Variants in SIGLEC10 observed in about 807,000 individuals in gnomAD.
The protein encoded by SIGLEC10 is sialic acid binding Ig like lectin 10.
SIGLEC10 carries 45 observed loss-of-function variants against 68.3 expected under a neutral mutation model. The ratio of observed to expected loss-of-function variants is 0.66; its 90% confidence interval spans 0.52 to 0.84. The LOEUF (loss-of-function observed/expected upper bound fraction) is 0.84, where lower values mean the gene tolerates loss of function less well. Among genes scored for constraint, SIGLEC10 ranks in the 40% least tolerant of loss-of-function variants. The pLI is 0.00. For missense variants in SIGLEC10, 789 were observed against 883.1 expected (o/e 0.89, Z 1.35); for synonymous variants, 379 against 370.8 (o/e 1.02, Z -0.26).
At chr19:51,415,636 C>T (rs370417795) in intron 5 of SIGLEC10, 21 bp from the exon 6 acceptor site, 35 of 1,613,720 alleles carry the variant, frequency 2.2e-5, no homozygotes, top group African/African-American at 1.1e-4. Flanking sequence ...GACAGGGGAC[C>T]GGCTCTAGAC....
At position 51,417,246 on chromosome 19, in the gene SIGLEC10, G is replaced by C. The variant is rs1433791025; in HGVS notation, c.257C>G (p.Thr86Ser). ...CCCAGTGAGCTGGAATCGGCCCCGG[G>C]TGCTCATTTCCACCTCTCGACTCTG... The part of the protein sequence containing the change: ...NHQSREVEMS[T>S]RGRFQLTGDP... The change falls in exon 2 of 11, where the codon ACC becomes AGC. Residue 86 changes from threonine to serine, a missense_variant. By Grantham distance (58) the Thr-to-Ser change is moderately conservative. Coordinates refer to ENST00000339313, the MANE Select transcript of SIGLEC10 (RefSeq NM_033130.5). 1.2e-6 allele frequency: 2 copies of C among 1,614,230 alleles called. No individual in the cohort carries two copies. The highest frequency in any genetic ancestry group is 1.6e-4 in the Middle Eastern group (1 of 6,062).
rs774820967 is a variant in SIGLEC10, at chr19:51,414,840, G to A, written c.1599C>T (p.Ser533=). The change falls in exon 8 of 11, where the codon TCC becomes TCT. Residue 533 remains serine, a synonymous_variant. Coordinates refer to ENST00000339313, the MANE Select transcript of SIGLEC10 (RefSeq NM_033130.5). This position sits in a 1 kb window ranked among gnomAD's most constrained non-coding sequence, Gnocchi z 4.1. The part of the protein sequence containing the change: ...AWNVHGAQSG[S]ILQLPDKKGL... The stretch of plus-strand genomic sequence containing the variant: ...CCCCCTAACCTGGCAGCTGCAGGAT[G>A]GATCCACTCTGGGCCCCATGGACGT... 3 of 1,613,878 alleles carry A rather than the reference G, an allele frequency of 1.9e-6. No individual in the cohort carries two copies. Among genetic ancestry groups the A allele is most frequent in the East Asian group, 2.2e-5 (1 of 44,868 alleles).
chr19:51,415,062 A>G lies in SIGLEC10; in HGVS notation c.1377T>C (p.Gly459=), dbSNP rs1299143118. ...CCTGGGAGGAGCAGCTGCAGTGCAG[A>G]CCCTCAGCCTCCCAGGAGCAGGAGG... is the stretch of plus-strand genomic sequence containing the variant. The part of the protein sequence containing the change: ...LGPSCSWEAE[G]LHCSCSSQAS... Residue 459 remains glycine, a synonymous_variant, in exon 8 of 11, where the codon GGT becomes GGC. Transcript: ENST00000339313. 1 of 1,588,954 alleles carries G rather than the reference A, an allele frequency of 6.3e-7. No individual in the cohort carries two copies. Among genetic ancestry groups the G allele is most frequent in the Non-Finnish European group, 8.6e-7 (1 of 1,168,822 alleles).
chr19:51,414,555 G>T lies in SIGLEC10; in HGVS notation c.1616-40C>A, dbSNP rs775774589. ...GGCAAGGTGAGCATTTCCCATCCAC[G>T]CAGGGCTCACGAAGCCCGCTCATCA... On this transcript the variant is annotated intron_variant, in intron 8 of 10. Transcript: ENST00000339313. The surrounding 1 kb of genome is among the most constrained non-coding windows in gnomAD (Gnocchi z 4.1). 5 of 1,590,464 alleles carry T rather than the reference G, an allele frequency of 3.1e-6. No individual in the cohort carries two copies. Among genetic ancestry groups the T allele is most frequent in the Admixed American group, 3.4e-5 (2 of 58,792 alleles).
chr19:51,411,545 A>T (rs946806726), intron 10 of SIGLEC10, among the ~76,000 whole-genome samples, 174 bp from the exon 11 acceptor site: 6 of 152,184 alleles, frequency 3.9e-5, no homozygotes, highest in Admixed American at 6.5e-5. Flanking sequence ...AAGTACAATG[A>T]CTGGTAAGTG....
In SIGLEC10 at chr19:51,413,781, C is replaced by G. The variant is rs781316540; in HGVS notation, c.1752G>C (p.Pro584=). The G allele has an allele frequency of 3.7e-6, 6 of 1,614,062 alleles. No homozygotes were observed. In the South Asian group the frequency reaches 4.4e-5, roughly 12 times the overall value. ...TGCTGTGCCGGGAGAACCTGGGCCTCGGGGTTTCTGTCTGAGTCCGTCTCT... is the reference window on the plus strand; with the variant it reads ...TGCTGTGCCGGGAGAACCTGGGCCTGGGGGTTTCTGTCTGAGTCCGTCTCT... ...LPKRRTQTET[P]RPRFSRHSTI... is the part of the protein sequence containing the mutation. Residue 584 remains proline (P), a synonymous_variant, in exon 10 of 11, where the codon CCG becomes CCC. Transcript: ENST00000339313.
chr19:51,417,363 C>G lies in SIGLEC10; in HGVS notation c.140G>C (p.Arg47Pro), dbSNP rs75355870. The G allele has an allele frequency of 3.5e-5, 56 of 1,614,176 alleles. No homozygotes were observed. In the East Asian group the frequency reaches 1.2e-3, roughly 35 times the overall value. ...TGGGGTAGACCCTGTCCAGTCCTGTCGGGGGTAGGAGAAAGAGCAGGGCAC... is the reference window on the plus strand; with the variant it reads ...TGGGGTAGACCCTGTCCAGTCCTGTGGGGGGTAGGAGAAAGAGCAGGGCAC... ...ISVPCSFSYP[R>P]QDWTGSTPAY... Residue 47 changes from arginine to proline, a missense_variant, in exon 2 of 11, where the codon CGA (arginine) becomes CCA (proline). Arg to Pro is a moderately radical substitution (Grantham distance 103). Transcript: ENST00000339313.
At chr19:51,416,503 C>T in intron 3 of SIGLEC10, 146 bp from the exon 4 acceptor site, 1 of 1,584,204 alleles carries the variant, frequency 6.3e-7, no homozygotes, top group Non-Finnish European at 8.6e-7. Context: ...GACCAGACGC[C>T]ATTCCCATCC....
intron 9 of SIGLEC10, 38 bp from the exon 10 acceptor site, chr19:51,413,861 C>A (rs1988247148): frequency 6.4e-7 from 1 of 1,551,300 alleles, no homozygotes; most frequent in South Asian, 1.1e-5. Context: ...CCCTGCTGCA[C>A]CTCCCTGTGA....
At position 51,414,780 on chromosome 19, in the gene SIGLEC10, C is replaced by G; in HGVS notation, c.1615+44G>C. 6.2e-7 allele frequency: 1 copy of G among 1,607,962 alleles called. No homozygotes were observed. Among genetic ancestry groups the G allele is most frequent in the Non-Finnish European group, 8.5e-7 (1 of 1,178,470 alleles). ...ACAGGACCCTACTCTTTGCCCCAGT[C>G]AGCTTCTCCTCCAAGAACCTTGGCA... On this transcript the variant is annotated intron_variant, in intron 8 of 10. Coordinates refer to ENST00000339313, the MANE Select transcript of SIGLEC10 (RefSeq NM_033130.5). This position sits in a 1 kb window ranked among gnomAD's most constrained non-coding sequence, Gnocchi z 4.1.
chr19:51,417,622 T>G lies in SIGLEC10; in HGVS notation c.-41A>C. The G allele has an allele frequency of 6.2e-7, 1 of 1,613,148 alleles. No individual in the cohort carries two copies. The highest frequency in any genetic ancestry group is 2.2e-5 in the East Asian group (1 of 44,888). ...GCAGGGCCTGCCTGAGACAGGCCTGTTCTCTGGTCGTGCTGTGAGTGGCTC... is the reference window on the plus strand; with the variant it reads ...GCAGGGCCTGCCTGAGACAGGCCTGGTCTCTGGTCGTGCTGTGAGTGGCTC... On this transcript the variant is annotated 5_prime_UTR_variant, in exon 1 of 11. Transcript: ENST00000339313.
intron 10 of SIGLEC10, 107 bp downstream of exon 10, chr19:51,413,605 G>C: frequency 2.1e-6 from 2 of 954,810 alleles, no homozygotes; most frequent in Middle Eastern, 2.7e-4. Flanking sequence ...CAGAACTATC[G>C]GTGCTTTTCC....
intron 10 of SIGLEC10, among the ~76,000 whole-genome samples, 172 bp downstream of exon 10, chr19:51,413,540 G>A (rs551626835): frequency 6.6e-6 from 1 of 152,322 alleles, no homozygotes; most frequent in South Asian, 2.1e-4. Flanking sequence ...CTCAGAGGGG[G>A]TGAGTGACGT....
In SIGLEC10 at chr19:51,415,666, G is replaced by A. The variant is rs1273910620; in HGVS notation, c.1025-51C>T. The A allele has an allele frequency of 4.3e-6, 7 of 1,613,516 alleles. No homozygotes were observed. In the Admixed American group the frequency reaches 8.3e-5, roughly 19 times the overall value. On this transcript the variant is annotated intron_variant, in intron 5 of 10. Coordinates refer to ENST00000339313, the MANE Select transcript of SIGLEC10 (RefSeq NM_033130.5). ...CTAGACGGACCAGGGGCTTCCCTCTGGGTAAAGGGAACCATCCTGGACACT... is the reference window on the plus strand; with the variant it reads ...CTAGACGGACCAGGGGCTTCCCTCTAGGTAAAGGGAACCATCCTGGACACT...
At chr19:51,417,519 T>C in intron 1 of SIGLEC10, 26 bp downstream of exon 1, 1 of 1,614,164 alleles carries the variant, frequency 6.2e-7, no homozygotes, top group East Asian at 2.2e-5. Context: ...CCGCCCCAGG[T>C]CCTTTCCGGC....
At chr19:51,413,532 C>T (rs146451924) in intron 10 of SIGLEC10, among the ~76,000 whole-genome samples, 180 bp downstream of exon 10, 180 of 152,296 alleles carry the variant, frequency 1.2e-3, no homozygotes, top group African/African-American at 4.0e-3. Flanking sequence ...AATGAAGGCT[C>T]AGAGGGGGTG....
In SIGLEC10 at chr19:51,415,384, A is replaced by G; in HGVS notation, c.1127T>C (p.Leu376Pro). Residue 376 changes from leucine (L) to proline (P), a missense_variant, in exon 7 of 11, where the codon CTG becomes CCG. Coordinates refer to ENST00000339313, the MANE Select transcript of SIGLEC10 (RefSeq NM_033130.5). ...GCTGTGTGTGACACAGACCAGGCAC[A>G]GGCTTTGGCCCTCCAGTACTGGGAG... ...TSLPVLEGQS[L>P]CLVCVTHSSP... The G allele has an allele frequency of 6.2e-7, 1 of 1,610,980 alleles. No individual in the cohort carries two copies. Among genetic ancestry groups the G allele is most frequent in the Admixed American group, 1.7e-5 (1 of 59,690 alleles).
Position 51,417,090 on chromosome 19 carries a change from T to G in SIGLEC10, c.413A>C (p.Lys138Thr). ...CCCACCCCATTCCATACCTGTTACTTTTAGAAAGAACCCATCGTTCATGAA... is the reference window on the plus strand; with the variant it reads ...CCCACCCCATTCCATACCTGTTACTGTTAGAAAGAACCCATCGTTCATGAA... ...YNFMNDGFFL[K>T]VTALTQKPDV... is the part of the protein sequence containing the mutation. Residue 138 changes from lysine to threonine, a missense_variant, in exon 2 of 11, where the codon AAA (lysine) becomes ACA (threonine). By Grantham distance (78) the Lys-to-Thr change is moderately conservative. Coordinates refer to ENST00000339313, the MANE Select transcript of SIGLEC10 (RefSeq NM_033130.5). 6.2e-7 allele frequency: 1 copy of G among 1,613,948 alleles called. No homozygotes were observed. The highest frequency in any genetic ancestry group is 8.5e-7 in the Non-Finnish European group (1 of 1,179,860).
In SIGLEC10 at chr19:51,411,068, C is replaced by T. The variant is rs201683108; in HGVS notation, c.*31G>A. 69 of 1,595,630 alleles carry T rather than the reference C, an allele frequency of 4.3e-5. No individual in the cohort carries two copies. The East Asian group carries it at 7.0e-4, about 16-fold the overall frequency. On this transcript the variant is annotated 3_prime_UTR_variant, in exon 11 of 11. Coordinates refer to ENST00000339313, the MANE Select transcript of SIGLEC10 (RefSeq NM_033130.5). ...CTCTTACTCTACCTTCCTCCCTAGC[C>T]GAAGTCCCAGTCCTAAAGCCTAAGA...
Sources: allele counts gnomAD v4.1 joint callset (sites outside exome capture counted in the v4.1 genomes callset), GRCh38; gene constraint gnomAD v4.1.1; non-coding constraint Gnocchi (gnomAD v3.1); transcripts MANE v1.5; gene names NCBI Gene and HGNC (gene_info 2026-07-23, HGNC 2026-07-21).